The following KCNN3 variants were observed in gnomAD, a reference collection of about 807,000 sequenced individuals.
KCNN3 encodes small conductance calcium-activated potassium channel protein 3.
Under a neutral mutation model 62.9 loss-of-function variants are expected in KCNN3, and 16 were observed. The observed-to-expected ratio is 0.25, with a 90% CI of 0.17 to 0.39. The LOEUF (loss-of-function observed/expected upper bound fraction) is 0.39, where lower values mean the gene tolerates loss of function less well. Ranked by LOEUF, KCNN3 falls within the 10% of genes least tolerant of loss-of-function variation. The pLI, the probability that KCNN3 is intolerant of heterozygous loss-of-function variation, is 1.00. For synonymous variants in KCNN3, 370 were observed against 389.2 expected (o/e 0.95, Z 0.58); for missense variants, 599 against 949.4 (o/e 0.63, Z 4.85).
chr1:154,704,375 G>A lies in KCNN3; in HGVS notation c.*3601C>T, dbSNP rs552720774. 3.9e-5 allele frequency: 6 copies of A among 152,316 alleles called. No individual in the cohort carries two copies. Among genetic ancestry groups the A allele is most frequent in the Admixed American group, 3.9e-4 (6 of 15,308 alleles). 9.4% of individuals were successfully genotyped at this position (152,316 alleles called of 1,614,324 possible). On this transcript the variant is annotated 3_prime_UTR_variant, in exon 8 of 8. Coordinates refer to ENST00000271915, the MANE Select transcript of KCNN3 (RefSeq NM_002249.6). ...CACTTTATGACAATTTATTGATGAT[G>A]ATCATATATATGTGGCCTTTGATCC...
intron 2 of KCNN3, among the ~76,000 whole-genome samples, chr1:154,793,118 T>C (rs910895782): frequency 2.0e-5 from 3 of 152,074 alleles, no homozygotes; most frequent in East Asian, 1.9e-4. Flanking sequence ...GACAGGTCAA[T>C]CAGAAAGAAC....
chr1:154,800,998 T>A (rs1205615379), intron 2 of KCNN3, among the ~76,000 whole-genome samples: 1 of 152,150 alleles, frequency 6.6e-6, no homozygotes, highest in Non-Finnish European at 1.5e-5. Flanking sequence ...TGAGCCAAGA[T>A]GGTGCCACTT....
In KCNN3 at chr1:154,832,459, A is replaced by G. The variant is rs985962109; in HGVS notation, c.934-10275T>C. ...AGGGTGTACAGAGTTACAGTGAAAC[A>G]CTTAACCTTTATTCACCCTCCTAGC... On this transcript the variant is annotated intron_variant, in intron 1 of 7. Coordinates refer to ENST00000271915, the MANE Select transcript of KCNN3 (RefSeq NM_002249.6). Among the ~76,000 whole-genome samples, 4 of 151,900 alleles carry G rather than the reference A, an allele frequency of 2.6e-5. No individual in the cohort carries two copies. In the East Asian group the frequency reaches 7.7e-4, roughly 29 times the overall value.
chr1:154,751,938 A>C (rs1647397526), intron 3 of KCNN3, among the ~76,000 whole-genome samples: 1 of 152,242 alleles, frequency 6.6e-6, no homozygotes, highest in South Asian at 2.1e-4. Flanking sequence ...GCAACCACAG[A>C]AGGCAAAATG....
chr1:154,811,969 C>T (rs890328676), intron 2 of KCNN3, among the ~76,000 whole-genome samples: 1 of 152,168 alleles, frequency 6.6e-6, no homozygotes, highest in Non-Finnish European at 1.5e-5. Flanking sequence ...ATTGGGAAGA[C>T]GCTGGCCTCC....
intron 3 of KCNN3, among the ~76,000 whole-genome samples, chr1:154,741,774 G>T (rs185560443): frequency 6.7e-6 from 1 of 150,250 alleles, no homozygotes; most frequent in African/African-American, 2.4e-5. Context: ...CTAGCCATTT[G>T]TCCTGGGTCT....
At position 154,701,582 on chromosome 1, in the gene KCNN3, A is replaced by G. The variant is rs1333562524; in HGVS notation, c.*6394T>C. 6.6e-6 allele frequency: 1 copy of G among 152,160 alleles called. No homozygotes were observed. The highest frequency in any genetic ancestry group is 1.9e-4 in the East Asian group (1 of 5,196). 9.4% of individuals were successfully genotyped at this position (152,160 alleles called of 1,614,324 possible). On this transcript the variant is annotated 3_prime_UTR_variant, in exon 8 of 8. Transcript: ENST00000271915. ...CTATAAAGGACAATATCTCAACGGG[A>G]ACCCTTTATTTCCTCCCAGCTAGAG... is the stretch of plus-strand genomic sequence containing the variant.
chr1:154,818,674 C>T (rs1443413692), intron 2 of KCNN3, among the ~76,000 whole-genome samples: 1 of 152,194 alleles, frequency 6.6e-6, no homozygotes, highest in Non-Finnish European at 1.5e-5. Flanking sequence ...GAGAGCAGCC[C>T]TCACCAGACA....
chr1:154,855,553 T>C (rs1571342344), intron 1 of KCNN3, among the ~76,000 whole-genome samples: 1 of 152,220 alleles, frequency 6.6e-6, no homozygotes, highest in Non-Finnish European at 1.5e-5. Flanking sequence ...CAGTATTCAA[T>C]ACAGGCCTGG....
At position 154,702,700 on chromosome 1, in the gene KCNN3, GATATATATAT is replaced by G. The variant is rs67091748; in HGVS notation, c.*5266_*5275del. On this transcript the variant is annotated 3_prime_UTR_variant, in exon 8 of 8. Coordinates refer to ENST00000271915, the MANE Select transcript of KCNN3 (RefSeq NM_002249.6). The stretch of plus-strand genomic sequence containing the variant: ...ACGTTGGCTGCTTCGATCTGATTCA[GATATATATAT>G]ATATATATATATATATATATATATA... 0.014 allele frequency: 598 copies of G among 43,040 alleles called. 8 individuals carry two copies. The highest frequency in any genetic ancestry group is 0.033 in the Middle Eastern group (3 of 92). The allele number at this position is 43,040 out of a possible 1,614,324, so 2.7% of individuals were successfully genotyped here.
At chr1:154,831,007 G>C (rs966454971) in intron 1 of KCNN3, among the ~76,000 whole-genome samples, 5 of 152,180 alleles carry the variant, frequency 3.3e-5, no homozygotes, top group Non-Finnish European at 5.9e-5. Context: ...CTGCATGCTT[G>C]CTTATAATTT....
chr1:154,805,262 G>A (rs1481770290), intron 2 of KCNN3, among the ~76,000 whole-genome samples: 1 of 152,186 alleles, frequency 6.6e-6, no homozygotes, highest in Admixed American at 6.5e-5. Context: ...TAGGGGGAAT[G>A]GCTGTGGCCA....
chr1:154,868,209 C>T (rs1413404170), intron 1 of KCNN3: 28 of 985,436 alleles, frequency 2.8e-5, no homozygotes, highest in Non-Finnish European at 3.4e-5. Flanking sequence ...AGGAGAGGTG[C>T]TCCCCCAGCT....
At chr1:154,786,633 T>A (rs1003311335) in intron 2 of KCNN3, among the ~76,000 whole-genome samples, 2 of 152,226 alleles carry the variant, frequency 1.3e-5, no homozygotes, top group Admixed American at 6.5e-5. Flanking sequence ...TGTATGCATG[T>A]TGGTACATTT....
At chr1:154,758,421 G>T (rs374567499) in intron 3 of KCNN3, among the ~76,000 whole-genome samples, 104 of 152,344 alleles carry the variant, frequency 6.8e-4, no homozygotes, top group Non-Finnish European at 1.2e-3. Context: ...TAAGTTCTGT[G>T]CCCCCTCTAT....
At chr1:154,725,515 C>T (rs184196883) in intron 5 of KCNN3, among the ~76,000 whole-genome samples, 109 of 150,510 alleles carry the variant, frequency 7.2e-4, no homozygotes, top group Middle Eastern at 3.4e-3. Flanking sequence ...CAAACCCATA[C>T]GACATGACCA....
chr1:154,778,129 T>C (rs1648867448), intron 2 of KCNN3, among the ~76,000 whole-genome samples: 1 of 152,206 alleles, frequency 6.6e-6, no homozygotes, highest in South Asian at 2.1e-4. Flanking sequence ...GCCTAATCCC[T>C]CTACCACTTA....
intron 5 of KCNN3, among the ~76,000 whole-genome samples, chr1:154,718,021 C>T (rs1160741738): frequency 1.3e-5 from 2 of 152,062 alleles, no homozygotes; most frequent in African/African-American, 2.4e-5. Context: ...TTGAGGGAGG[C>T]TTGGGTACCA....
chr1:154,850,912 T>C (rs1652274391), intron 1 of KCNN3, among the ~76,000 whole-genome samples: 1 of 152,190 alleles, frequency 6.6e-6, no homozygotes, highest in African/African-American at 2.4e-5. Flanking sequence ...CAACTTCCAG[T>C]GACCTTCAGG....
Sources: allele counts gnomAD v4.1 joint callset (sites outside exome capture counted in the v4.1 genomes callset), GRCh38; gene constraint gnomAD v4.1.1; transcripts MANE v1.5; gene names NCBI Gene and HGNC (gene_info 2026-07-23, HGNC 2026-07-21).